Variants in SUGCT observed in about 807,000 individuals in gnomAD.
SUGCT encodes the protein succinyl-CoA:glutarate-CoA transferase, also known as succinyl-CoA:glutarate CoA-transferase.
Under a neutral mutation model 55.0 loss-of-function variants are expected in SUGCT, and 41 were observed. That is an observed-to-expected ratio of 0.74 (90% confidence interval 0.58 to 0.97). The LOEUF (loss-of-function observed/expected upper bound fraction) is 0.97. SUGCT is among the 50% of genes least tolerant of loss of function. The pLI is 0.00. For missense variants in SUGCT, 568 were observed against 547.8 expected, an observed-to-expected ratio of 1.04 and a Z score of -0.37; for synonymous variants, 187 against 200.4, an observed-to-expected ratio of 0.93 and a Z score of 0.56.
At chr7:40,494,020 CA>C (rs1791840764) in intron 11 of SUGCT, among the ~76,000 whole-genome samples, 2 of 152,198 alleles carry the variant, frequency 1.3e-5, no homozygotes. Context: ...GTCTCATTTC[CA>C]GAGTGCATCC....
intron 12 of SUGCT, among the ~76,000 whole-genome samples, chr7:40,596,570 C>T (rs910478721): frequency 6.6e-6 from 1 of 152,154 alleles, no homozygotes; most frequent in Non-Finnish European, 1.5e-5. Flanking sequence ...AAATATGACT[C>T]TTCTCCTCCA....
rs538044899 is a variant in SUGCT at position 40,449,366 on chromosome 7, A to G, written c.888+8A>G. 26 of 1,601,342 alleles carry G rather than the reference A, an allele frequency of 1.6e-5. No homozygotes were observed. The African/African-American group carries it at 1.7e-4, about 11-fold the overall frequency. On this transcript the variant is annotated splice_region_variant and intron_variant, in intron 10 of 13. Transcript: ENST00000335693. ...TTTGCCACCGTCTGCAAGGTAATCTATAATTATTGGGATTGGTCGATGATT... is the reference window on the plus strand; with the variant it reads ...TTTGCCACCGTCTGCAAGGTAATCTGTAATTATTGGGATTGGTCGATGATT...
intron 7 of SUGCT, among the ~76,000 whole-genome samples, chr7:40,240,757 G>A (rs1473767023): frequency 6.6e-6 from 1 of 152,196 alleles, no homozygotes; most frequent in East Asian, 1.9e-4. Flanking sequence ...TGTCAGATGA[G>A]TGATTGGAAC....
chr7:40,487,694 T>TTA (rs1429751429), intron 11 of SUGCT, among the ~76,000 whole-genome samples: 2 of 152,168 alleles, frequency 1.3e-5, no homozygotes, highest in East Asian at 3.8e-4. Flanking sequence ...GTGTTCTGAT[T>TTA]TGGGTACATA....
At chr7:40,801,145 G>T (rs1298909161) in intron 13 of SUGCT, among the ~76,000 whole-genome samples, 2 of 152,212 alleles carry the variant, frequency 1.3e-5, no homozygotes, top group Non-Finnish European at 2.9e-5. Flanking sequence ...CCAGCAAGTG[G>T]CTTGATAGTG....
chr7:40,682,759 G>A (rs1450234791), intron 12 of SUGCT, among the ~76,000 whole-genome samples: 1 of 151,950 alleles, frequency 6.6e-6, no homozygotes, highest in Admixed American at 6.6e-5. Flanking sequence ...CTTTCTCTGG[G>A]AAGAAGGAGA....
At chr7:40,226,540 A>G (rs1448069952) in intron 6 of SUGCT, among the ~76,000 whole-genome samples, 1 of 150,234 alleles carries the variant, frequency 6.7e-6, no homozygotes, top group Admixed American at 6.6e-5. Flanking sequence ...TTAACTCTAT[A>G]AAAGTAAAAA....
intron 1 of SUGCT, among the ~76,000 whole-genome samples, chr7:40,176,644 TG>T (rs1784935815): frequency 6.6e-6 from 1 of 151,952 alleles, no homozygotes; most frequent in African/African-American, 2.4e-5. Context: ...TTGATTATTT[TG>T]TTTTTTTTTT....
intron 1 of SUGCT, among the ~76,000 whole-genome samples, chr7:40,171,990 CTT>C (rs776981177): frequency 6.6e-6 from 1 of 152,144 alleles, no homozygotes. Context: ...CTCTCTCTCT[CTT>C]TCCCTTTTCT....
intron 7 of SUGCT, among the ~76,000 whole-genome samples, chr7:40,249,339 A>AT (rs1790180827): frequency 9.8e-5 from 13 of 131,996 alleles, no homozygotes; most frequent in African/African-American, 3.2e-4. Flanking sequence ...ATATATATAT[A>AT]TATATATAAT....
intron 11 of SUGCT, among the ~76,000 whole-genome samples, chr7:40,480,744 C>A (rs1790986781): frequency 6.6e-6 from 1 of 150,972 alleles, no homozygotes; most frequent in Non-Finnish European, 1.5e-5. Flanking sequence ...TTTTTTTTCC[C>A]TATTGTTTAA....
the SUGCT span, among the ~76,000 whole-genome samples, chr7:40,897,946 A>C: frequency 7.9e-5 from 12 of 152,288 alleles, no homozygotes; most frequent in African/African-American, 1.9e-4. Context: ...GGATGGGGCC[A>C]GATAAGAGAA....
the SUGCT span, among the ~76,000 whole-genome samples, chr7:40,999,546 A>G: frequency 1.3e-5 from 2 of 152,190 alleles, no homozygotes; most frequent in African/African-American, 2.4e-5. Context: ...AGTGCCTCGC[A>G]TGTACTTATA....
chr7:40,454,844 C>G (rs557023814), intron 10 of SUGCT, among the ~76,000 whole-genome samples: 4 of 152,200 alleles, frequency 2.6e-5, no homozygotes, highest in African/African-American at 9.6e-5. Flanking sequence ...CTGACTTCCT[C>G]TAAAATAATT....
chr7:40,181,688 G>A (rs1785219706), intron 2 of SUGCT, among the ~76,000 whole-genome samples: 1 of 151,648 alleles, frequency 6.6e-6, no homozygotes. Context: ...GGAGCTTGCA[G>A]TGAGCTGAGA....
intron 13 of SUGCT, among the ~76,000 whole-genome samples, chr7:40,807,245 G>T (rs188309747): frequency 6.6e-6 from 1 of 152,020 alleles, no homozygotes; most frequent in Admixed American, 6.6e-5. Flanking sequence ...TTGAGTTCTG[G>T]GGTGCATGTG....
chr7:40,243,286 G>A lies in SUGCT; in HGVS notation c.576+5560G>A, dbSNP rs968048947. ...AAATATTGGCACAGTTAAACATCAA[G>A]AAGAATTATACTGAGCAATCAAATG... On this transcript the variant is annotated intron_variant, in intron 7 of 13. Transcript: ENST00000335693. Among the ~76,000 whole-genome samples the A allele has an allele frequency of 5.9e-5, 9 of 151,928 alleles. No individual in the cohort carries two copies. The East Asian group carries it at 1.7e-3, about 29-fold the overall frequency.
chr7:40,448,367 T>C (rs1241374575), intron 9 of SUGCT, among the ~76,000 whole-genome samples: 2 of 151,896 alleles, frequency 1.3e-5, no homozygotes, highest in Non-Finnish European at 2.9e-5. Context: ...AGGGAAAAAA[T>C]GAAAATAAAA....
chr7:40,650,333 A>T (rs1800715198), intron 12 of SUGCT, among the ~76,000 whole-genome samples: 2 of 152,088 alleles, frequency 1.3e-5, no homozygotes. Context: ...AAAGGGGGGG[A>T]TTACACAGTA....
Sources: allele counts gnomAD v4.1 joint callset (sites outside exome capture counted in the v4.1 genomes callset), GRCh38; gene constraint gnomAD v4.1.1; transcripts MANE v1.5; gene names NCBI Gene and HGNC (gene_info 2026-07-23, HGNC 2026-07-21).